RAB30: variants seen among roughly 807,000 people sequenced by gnomAD.
The protein encoded by RAB30 is ras-related protein Rab-30.
RAB30 carries 9 observed loss-of-function variants against 25.1 expected under a neutral mutation model. That is an observed-to-expected ratio of 0.36 (90% CI 0.22 to 0.63). The LOEUF (loss-of-function observed/expected upper bound fraction) is 0.63, where lower values mean the gene tolerates loss of function less well. RAB30 is among the 20% of genes least tolerant of loss of function. RAB30 has a pLI of 0.69. For missense variants in RAB30, 140 were observed against 243.5 expected, an observed-to-expected ratio of 0.58 and a Z score of 2.83; for synonymous variants, 77 against 86.4, an observed-to-expected ratio of 0.89 and a Z score of 0.60.
At chr11:83,031,964 C>T (rs548178836) in intron 1 of RAB30, among the ~76,000 whole-genome samples, 3 of 152,198 alleles carry the variant, frequency 2.0e-5, no homozygotes, top group Admixed American at 6.5e-5. Flanking sequence ...TAGTTGGTGA[C>T]GTTCACTTCA....
At chr11:83,022,221 C>T (rs1857595963) in intron 1 of RAB30, among the ~76,000 whole-genome samples, 3 of 152,086 alleles carry the variant, frequency 2.0e-5, no homozygotes, top group Non-Finnish European at 2.9e-5. Context: ...TCCAGTAGCA[C>T]GATCACATGG....
At chr11:83,014,634 A>AGAAAG (rs1555035112) in intron 1 of RAB30, among the ~76,000 whole-genome samples, 3 of 112,616 alleles carry the variant, frequency 2.7e-5, no homozygotes, top group Non-Finnish European at 5.3e-5. Context: ...AGAAGTAAGA[A>AGAAAG]AAAGAAAGAA....
At chr11:82,995,054 T>C (rs1856931490) in intron 2 of RAB30, among the ~76,000 whole-genome samples, 1 of 152,236 alleles carries the variant, frequency 6.6e-6, no homozygotes, top group Admixed American at 6.5e-5. Context: ...TATTACATAA[T>C]GTTTCCTATA....
chr11:82,989,691 A>C (rs2121446592), intron 3 of RAB30, among the ~76,000 whole-genome samples: 1 of 152,352 alleles, frequency 6.6e-6, no homozygotes, highest in Non-Finnish European at 1.5e-5. Flanking sequence ...TTCGAGGGTT[A>C]AAGTCACTGA....
intron 1 of RAB30, among the ~76,000 whole-genome samples, chr11:83,064,399 C>T (rs1014997904): frequency 2.0e-5 from 3 of 152,292 alleles, no homozygotes; most frequent in Middle Eastern, 3.4e-3. Flanking sequence ...TAAGCCACTG[C>T]GCCCAGCCAA....
chr11:82,976,272 A>C lies in RAB30; in HGVS notation c.*5893T>G, dbSNP rs1393644860. 2.0e-5 allele frequency: 3 copies of C among 152,242 alleles called. No individual in the cohort carries two copies. The highest frequency in any genetic ancestry group is 7.2e-5 in the African/African-American group (3 of 41,464). 9.4% of individuals were successfully genotyped at this position (152,242 alleles called of 1,614,324 possible). A position where few individuals can be genotyped will look rare whatever the true frequency, so the allele number is the denominator to read the frequency against. On this transcript the variant is annotated 3_prime_UTR_variant, in exon 5 of 5. Coordinates refer to ENST00000527633, the MANE Select transcript of RAB30 (RefSeq NM_001286060.2). Reference sequence around the variant, plus strand: ...TCTGCTCTTAATTAAAGTGAAAAAGAACTAATATTTGAGTGCTAACTGTTT... The same window carrying C: ...TCTGCTCTTAATTAAAGTGAAAAAGCACTAATATTTGAGTGCTAACTGTTT...
chr11:83,054,828 C>A (rs1858425219), intron 1 of RAB30, among the ~76,000 whole-genome samples: 1 of 152,094 alleles, frequency 6.6e-6, no homozygotes, highest in African/African-American at 2.4e-5. Flanking sequence ...GATCATGCCA[C>A]TGCACTCCAG....
At position 82,982,081 on chromosome 11, in the gene RAB30, G is replaced by C. The variant is rs1856648725; in HGVS notation, c.*84C>G. The C allele has an allele frequency of 3.2e-6, 5 of 1,564,920 alleles. No individual in the cohort carries two copies. Among genetic ancestry groups the C allele is most frequent in the Middle Eastern group, 1.7e-4 (1 of 5,816 alleles). Reference sequence around the variant, plus strand: ...GGAGTCAGAAGGTCAGAGAGCGGGAGCCACAGTCATCGCCAGATCTCCCCA... The same window carrying C: ...GGAGTCAGAAGGTCAGAGAGCGGGACCCACAGTCATCGCCAGATCTCCCCA... On this transcript the variant is annotated 3_prime_UTR_variant, in exon 5 of 5. Transcript: ENST00000527633.
At chr11:83,014,499 T>C (rs949956364) in intron 1 of RAB30, among the ~76,000 whole-genome samples, 9 of 151,968 alleles carry the variant, frequency 5.9e-5, no homozygotes, top group African/African-American at 2.2e-4. Context: ...TGAGCTTTGA[T>C]GATGCCAGTG....
chr11:83,031,974 A>C (rs544685633), intron 1 of RAB30, among the ~76,000 whole-genome samples: 1 of 152,318 alleles, frequency 6.6e-6, no homozygotes, highest in African/African-American at 2.4e-5. Flanking sequence ...CGTTCACTTC[A>C]TCCTACAGAA....
At chr11:83,038,555 G>A (rs538560495) in intron 1 of RAB30, among the ~76,000 whole-genome samples, 2 of 151,976 alleles carry the variant, frequency 1.3e-5, no homozygotes, top group East Asian at 1.9e-4. Context: ...GTGCAGTGGC[G>A]CACACCTGTA....
At chr11:83,054,816 G>A (rs1040156119) in intron 1 of RAB30, among the ~76,000 whole-genome samples, 1 of 152,092 alleles carries the variant, frequency 6.6e-6, no homozygotes, top group African/African-American at 2.4e-5. Flanking sequence ...GCAGTGAGTC[G>A]TGATCATGCC....
chr11:83,059,914 G>C (rs1858532780), intron 1 of RAB30, among the ~76,000 whole-genome samples: 1 of 152,114 alleles, frequency 6.6e-6, no homozygotes, highest in African/African-American at 2.4e-5. Flanking sequence ...AAAAAAGCGG[G>C]GGCGGGGTGG....
rs997734104 is a variant in RAB30 at position 83,055,963 on chromosome 11, G to C, written c.-9+15728C>G. Among the ~76,000 whole-genome samples the C allele has an allele frequency of 2.0e-5, 3 of 152,212 alleles. No homozygotes were observed. In the East Asian group the frequency reaches 5.8e-4, roughly 29 times the overall value. Reference sequence around the variant, plus strand: ...ATTTCTGTTGTTCACAAATTACTCAGTCTCAGATATTTTGCTATAGTAGCA... The same window carrying C: ...ATTTCTGTTGTTCACAAATTACTCACTCTCAGATATTTTGCTATAGTAGCA... On this transcript the variant is annotated intron_variant, in intron 1 of 4. Transcript: ENST00000527633.
At chr11:83,028,209 C>A (rs956498225) in intron 1 of RAB30, among the ~76,000 whole-genome samples, 1 of 152,156 alleles carries the variant, frequency 6.6e-6, no homozygotes, top group African/African-American at 2.4e-5. Flanking sequence ...AGCTCTTAGA[C>A]ATTGACAACA....
chr11:83,012,093 G>A (rs1037946594), intron 1 of RAB30, among the ~76,000 whole-genome samples: 2 of 152,082 alleles, frequency 1.3e-5, no homozygotes, highest in Non-Finnish European at 2.9e-5. Context: ...ACAAACTGAT[G>A]ATTCATCTAT....
intron 4 of RAB30, chr11:82,987,263 A>T (rs145859690): frequency 0.012 from 2,104 of 179,194 alleles, 18 homozygotes; most frequent in Middle Eastern, 0.028. Context: ...TAAAAGATAC[A>T]TTTTTCTTCT....
chr11:83,046,324 TC>T (rs1254464177), intron 1 of RAB30, among the ~76,000 whole-genome samples: 10 of 152,082 alleles, frequency 6.6e-5, no homozygotes, highest in Admixed American at 5.9e-4. Flanking sequence ...CCTCTAGGGA[TC>T]CTTTTCTAAG....
intron 1 of RAB30, among the ~76,000 whole-genome samples, chr11:83,018,339 C>T (rs1170330796): frequency 6.7e-6 from 1 of 149,664 alleles, no homozygotes; most frequent in Admixed American, 6.7e-5. Context: ...TTCACCACAT[C>T]TGCACCAACA....
Sources: gnomAD v4.1 joint callset for allele counts (sites outside exome capture counted in the v4.1 genomes callset) on GRCh38, gnomAD v4.1.1 for gene constraint, MANE v1.5 for transcripts, NCBI Gene and HGNC (gene_info 2026-07-23, HGNC 2026-07-21) for gene names.